ZDHHC14: variants seen among roughly 807,000 people sequenced by gnomAD.
ZDHHC14 encodes zDHHC palmitoyltransferase 14.
Under a neutral mutation model 47.7 loss-of-function variants are expected in ZDHHC14, and 16 were observed. The observed-to-expected ratio is 0.34, with a 90% confidence interval of 0.23 to 0.51. ZDHHC14 has a LOEUF of 0.51. Ranked by LOEUF, ZDHHC14 falls within the 20% of genes least tolerant of loss-of-function variation. ZDHHC14 has a pLI of 0.97. For synonymous variants in ZDHHC14, 293 were observed against 278.9 expected (o/e 1.05, Z -0.50); for missense variants, 515 against 662.5 (o/e 0.78, Z 2.44).
intron 1 of ZDHHC14, among the ~76,000 whole-genome samples, chr6:157,438,860 A>T (rs942171240): frequency 1.3e-5 from 2 of 152,202 alleles, no homozygotes; most frequent in African/African-American, 4.8e-5. Flanking sequence ...GCTGTGGAGG[A>T]TTGCAGAGAA....
intron 8 of ZDHHC14, among the ~76,000 whole-genome samples, chr6:157,663,269 G>A (rs1778420126): frequency 6.6e-6 from 1 of 152,202 alleles, no homozygotes; most frequent in Non-Finnish European, 1.5e-5. Context: ...TGGCCCCACA[G>A]GTCACATCTA....
At chr6:157,569,324 C>G (rs140004404) in intron 2 of ZDHHC14, among the ~76,000 whole-genome samples, 5,532 of 151,926 alleles carry the variant, frequency 0.036, 141 homozygotes, top group Non-Finnish European at 0.056. Context: ...TCAGGTTCTT[C>G]CCTCAAATGA....
intron 1 of ZDHHC14, among the ~76,000 whole-genome samples, chr6:157,492,735 G>A (rs1004551487): frequency 1.3e-5 from 2 of 152,190 alleles, no homozygotes; most frequent in Admixed American, 1.3e-4. Context: ...TAGGTGCTGA[G>A]AGCCGGGAGG....
intron 2 of ZDHHC14, among the ~76,000 whole-genome samples, chr6:157,589,578 T>A (rs1783827727): frequency 6.6e-6 from 1 of 152,154 alleles, no homozygotes; most frequent in African/African-American, 2.4e-5. Context: ...GCACTTCTCC[T>A]TCCTGCTGCC....
intron 7 of ZDHHC14, among the ~76,000 whole-genome samples, chr6:157,652,101 A>G (rs950943929): frequency 2.1e-4 from 32 of 152,206 alleles, no homozygotes; most frequent in African/African-American, 6.8e-4. Context: ...GAGGTCAGGC[A>G]CTTTTCTTTG....
intron 1 of ZDHHC14, among the ~76,000 whole-genome samples, chr6:157,435,549 T>C (rs1452695361): frequency 6.6e-6 from 1 of 150,850 alleles, no homozygotes; most frequent in Non-Finnish European, 1.5e-5. Context: ...CTCTCTATCT[T>C]TTTTTTTTAA....
At chr6:157,542,427 G>T (rs984429740) in intron 1 of ZDHHC14, among the ~76,000 whole-genome samples, 158 bp from the exon 2 acceptor site, 16 of 152,200 alleles carry the variant, frequency 1.1e-4, no homozygotes, top group Non-Finnish European at 1.9e-4. Flanking sequence ...CTCCCCAAAC[G>T]TAAATCTTTC....
Position 157,542,731 on chromosome 6 carries a change from T to G in ZDHHC14, c.392T>G (p.Leu131Arg). 1 of 1,614,050 alleles carries G rather than the reference T, an allele frequency of 6.2e-7. No homozygotes were observed. Among genetic ancestry groups the G allele is most frequent in the East Asian group, 2.2e-5 (1 of 44,878 alleles). Reference protein sequence around the residue: ...PRATPDEAADLERQIDIANGT... With the variant: ...PRATPDEAADRERQIDIANGT... ...GCCACGCCTGATGAAGCCGCCGATC[T>G]GGAAAGGCAAATAGGTAACACTGAA... Residue 131 changes from leucine to arginine, a missense_variant, in exon 2 of 9, where the codon CTG (leucine) becomes CGG (arginine). Physicochemically the swap from Leu to Arg is moderately radical, Grantham distance 102. Transcript: ENST00000359775.
chr6:157,464,609 T>C (rs1466015762), intron 1 of ZDHHC14, among the ~76,000 whole-genome samples: 1 of 152,194 alleles, frequency 6.6e-6, no homozygotes, highest in Non-Finnish European at 1.5e-5. Context: ...ATTAACTGCT[T>C]TTCCCTCTTG....
intron 1 of ZDHHC14, among the ~76,000 whole-genome samples, chr6:157,441,894 G>T (rs979387095): frequency 4.6e-5 from 7 of 152,152 alleles, no homozygotes; most frequent in Non-Finnish European, 7.4e-5. Context: ...GTGTGTGTGA[G>T]ATTTCCATAC....
At chr6:157,652,246 C>G (rs1450032803) in intron 7 of ZDHHC14, among the ~76,000 whole-genome samples, 1 of 152,146 alleles carries the variant, frequency 6.6e-6, no homozygotes, top group Non-Finnish European at 1.5e-5. Flanking sequence ...ACTTGAAGAC[C>G]TGAAGGCAGT....
At chr6:157,528,696 C>T (rs1031696260) in intron 1 of ZDHHC14, among the ~76,000 whole-genome samples, 1 of 151,844 alleles carries the variant, frequency 6.6e-6, no homozygotes, top group Admixed American at 6.6e-5. Context: ...CGCACCACTG[C>T]ACTCCAGACT....
At chr6:157,629,517 G>A (rs1385122203) in intron 4 of ZDHHC14, 1 of 152,106 alleles carries the variant, frequency 6.6e-6, no homozygotes, top group African/African-American at 2.4e-5. Context: ...TCTTCTGGTG[G>A]GTTCGTATGG....
chr6:157,630,890 C>T (rs964020923), intron 4 of ZDHHC14: 7 of 123,632 alleles, frequency 5.7e-5, no homozygotes, highest in Admixed American at 3.9e-4. Context: ...ACACACACAT[C>T]CTTACCCACA....
chr6:157,395,405 A>G (rs1364365241), intron 1 of ZDHHC14, among the ~76,000 whole-genome samples: 1 of 149,698 alleles, frequency 6.7e-6, no homozygotes, highest in African/African-American at 2.5e-5. Context: ...AGCTCAAGTG[A>G]TCCTTCCACT....
At chr6:157,563,511 C>T (rs117386965) in intron 2 of ZDHHC14, among the ~76,000 whole-genome samples, 5,532 of 152,282 alleles carry the variant, frequency 0.036, 139 homozygotes, top group Non-Finnish European at 0.056. Context: ...ACCTGGTTCT[C>T]AGGTGGTGCT....
At chr6:157,509,015 G>A (rs1360420197) in intron 1 of ZDHHC14, among the ~76,000 whole-genome samples, 1 of 152,182 alleles carries the variant, frequency 6.6e-6, no homozygotes, top group Non-Finnish European at 1.5e-5. Flanking sequence ...CCCGGCTGTT[G>A]GCCAGGGGTT....
chr6:157,543,551 C>T (rs932264152), intron 2 of ZDHHC14, among the ~76,000 whole-genome samples: 19 of 152,216 alleles, frequency 1.2e-4, no homozygotes, highest in Non-Finnish European at 1.6e-4. Flanking sequence ...ATTCTATGGA[C>T]TTTCCTTTGC....
At chr6:157,441,280 A>G (rs896800314) in intron 1 of ZDHHC14, among the ~76,000 whole-genome samples, 1 of 152,190 alleles carries the variant, frequency 6.6e-6, no homozygotes, top group Admixed American at 6.5e-5. Flanking sequence ...CAGGTTTCCG[A>G]TCATTTGAGA....
Sources: gnomAD v4.1 joint callset for allele counts (sites outside exome capture counted in the v4.1 genomes callset) on GRCh38, gnomAD v4.1.1 for gene constraint, MANE v1.5 for transcripts, NCBI Gene and HGNC (gene_info 2026-07-23, HGNC 2026-07-21) for gene names.